The following SYN3 variants were observed in gnomAD, a reference collection of about 807,000 sequenced individuals.
SYN3 encodes the protein synapsin-3.
In SYN3, 35 loss-of-function variants were observed where a neutral mutation model predicts 65.8. The ratio of observed to expected loss-of-function variants is 0.53; its 90% CI spans 0.41 to 0.70. The LOEUF (loss-of-function observed/expected upper bound fraction) is 0.70. SYN3 is among the 30% of genes least tolerant of loss of function. The probability of loss-of-function intolerance (pLI) is 0.00; values close to 1 mark genes in which losing one functional copy is unlikely to be tolerated. For synonymous variants in SYN3, 270 were observed against 292.9 expected, an observed-to-expected ratio of 0.92 and a Z score of 0.80; for missense variants, 680 against 749.0, an observed-to-expected ratio of 0.91 and a Z score of 1.08.
In SYN3 at chr22:33,044,991, T is replaced by C. The variant is rs540493297; in HGVS notation, c.-163+13301A>G. ...CCAAGTAGCTGGAATTACAGGCATG[T>C]GCCACCACACCCGGCTAATTTTTGT... On this transcript the variant is annotated intron_variant, in intron 1 of 13. Coordinates refer to ENST00000358763, the MANE Select transcript of SYN3 (RefSeq NM_003490.4). 6.3e-4 allele frequency among the ~76,000 whole-genome samples: 96 copies of C among 152,136 alleles called. 2 individuals carry two copies. Among genetic ancestry groups the C allele is most frequent in the Admixed American group, 2.6e-4 (4 of 15,270 alleles).
At chr22:32,551,256 C>G (rs2058409956) in intron 7 of SYN3, among the ~76,000 whole-genome samples, 1 of 152,018 alleles carries the variant, frequency 6.6e-6, no homozygotes, top group African/African-American at 2.4e-5. Context: ...GCAGACGATA[C>G]CTGAGCTCAA....
chr22:32,521,603 C>T (rs189831999), intron 12 of SYN3, among the ~76,000 whole-genome samples: 72 of 152,080 alleles, frequency 4.7e-4, no homozygotes, highest in Middle Eastern at 3.4e-3. Flanking sequence ...TCCGCCACCA[C>T]GCCCAGCTAA....
intron 7 of SYN3, among the ~76,000 whole-genome samples, chr22:32,588,905 C>T (rs2059089077): frequency 6.6e-6 from 1 of 152,220 alleles, no homozygotes; most frequent in Non-Finnish European, 1.5e-5. Flanking sequence ...ATAAGACATG[C>T]TCACCAGTAC....
intron 6 of SYN3, among the ~76,000 whole-genome samples, chr22:32,757,361 A>G (rs5754253): frequency 0.85 from 126,473 of 149,018 alleles, 54,112 homozygotes; most frequent in African/African-American, 0.96. Flanking sequence ...GCAATGGCGC[A>G]ATCTCGGCTC....
chr22:32,642,603 GC>G (rs2059918419), intron 6 of SYN3, among the ~76,000 whole-genome samples: 1 of 151,866 alleles, frequency 6.6e-6, no homozygotes, highest in South Asian at 2.1e-4. Flanking sequence ...ACCACGCCTG[GC>G]TAATTTTTTG....
chr22:32,555,100 G>T (rs1285824153), intron 7 of SYN3, among the ~76,000 whole-genome samples: 2 of 152,184 alleles, frequency 1.3e-5, no homozygotes, highest in African/African-American at 4.8e-5. Context: ...ATAAATAATT[G>T]CTGAAAGAAT....
chr22:32,676,168 T>C (rs2060438428), intron 6 of SYN3, among the ~76,000 whole-genome samples: 1 of 152,198 alleles, frequency 6.6e-6, no homozygotes, highest in South Asian at 2.1e-4. Flanking sequence ...AGAAATACTG[T>C]CTTTCATCAA....
At chr22:32,848,961 C>T (rs2048143940) in intron 6 of SYN3, among the ~76,000 whole-genome samples, 4 of 152,144 alleles carry the variant, frequency 2.6e-5, no homozygotes, top group Admixed American at 2.0e-4. Context: ...AGCTAGGGTG[C>T]ACCACAACCC....
chr22:32,886,164 C>T (rs568169568), intron 4 of SYN3, among the ~76,000 whole-genome samples: 1 of 152,170 alleles, frequency 6.6e-6, no homozygotes, highest in South Asian at 2.1e-4. Context: ...TACAATGACA[C>T]ACATGGGTAA....
At chr22:32,613,310 A>G (rs1490591259) in intron 6 of SYN3, among the ~76,000 whole-genome samples, 1 of 152,174 alleles carries the variant, frequency 6.6e-6, no homozygotes, top group Non-Finnish European at 1.5e-5. Flanking sequence ...AATAAATATG[A>G]ATAAATAAAT....
chr22:32,937,577 TAC>T (rs974532720), intron 3 of SYN3, among the ~76,000 whole-genome samples: 13 of 152,096 alleles, frequency 8.5e-5, no homozygotes, highest in African/African-American at 2.9e-4. Context: ...GGGGAAGTGC[TAC>T]ACACTTTTAA....
intron 12 of SYN3, among the ~76,000 whole-genome samples, chr22:32,521,471 G>A (rs937071713): frequency 1.4e-5 from 2 of 142,532 alleles, no homozygotes; most frequent in African/African-American, 5.2e-5. Flanking sequence ...TTGAGACGGA[G>A]TCTTGCACTA....
chr22:32,881,228 G>C lies in SYN3; in HGVS notation c.462-12103C>G, dbSNP rs1300159549. Among the ~76,000 whole-genome samples the C allele has an allele frequency of 2.0e-5, 3 of 152,032 alleles. No individual in the cohort carries two copies. The East Asian group carries it at 5.8e-4, about 29-fold the overall frequency. On this transcript the variant is annotated intron_variant, in intron 4 of 13. Coordinates refer to ENST00000358763, the MANE Select transcript of SYN3 (RefSeq NM_003490.4). ...GATGCTGGGGCAGTGGAGTGGAGGA[G>C]AGAGGAGTGGGGGAAGGGGAAAGCC... is the stretch of plus-strand genomic sequence containing the variant.
At chr22:32,849,271 C>T (rs1360017635) in intron 6 of SYN3, among the ~76,000 whole-genome samples, 1 of 152,122 alleles carries the variant, frequency 6.6e-6, no homozygotes, top group African/African-American at 2.4e-5. Context: ...TCTTTTTCCT[C>T]CAACCTCCCT....
intron 10 of SYN3, chr22:32,529,907 G>A (rs930626485): frequency 3.3e-5 from 5 of 152,416 alleles, no homozygotes; most frequent in African/African-American, 1.2e-4. Flanking sequence ...AGGTTCTTAT[G>A]TAATCCCTCT....
At position 32,573,936 on chromosome 22, in the gene SYN3, A is replaced by ATT. The variant is rs562426253; in HGVS notation, c.774+22736_774+22737dup. On this transcript the variant is annotated intron_variant, in intron 7 of 13. Transcript: ENST00000358763. The stretch of plus-strand genomic sequence containing the variant: ...GGGTGCCCGCTGCCACGCCCGGCTA[A>ATT]TTTTTTTTTTTTTTTTATTTTAGTA... 1.2e-3 allele frequency among the ~76,000 whole-genome samples: 167 copies of ATT among 140,648 alleles called. 1 individual carries two copies. Among genetic ancestry groups the ATT allele is most frequent in the South Asian group, 6.9e-3 (29 of 4,232 alleles). The allele number at this position is 140,648 out of a possible 152,430, so 92.3% of individuals were successfully genotyped here.
intron 7 of SYN3, among the ~76,000 whole-genome samples, chr22:32,564,899 G>T (rs1334708050): frequency 3.3e-5 from 5 of 149,704 alleles, no homozygotes; most frequent in Admixed American, 3.3e-4. Context: ...CACCCTAACA[G>T]TGCTCCCGGA....
At chr22:32,697,649 G>T (rs1337176636) in intron 6 of SYN3, among the ~76,000 whole-genome samples, 1 of 152,214 alleles carries the variant, frequency 6.6e-6, no homozygotes, top group Non-Finnish European at 1.5e-5. Context: ...TATTCTTGAT[G>T]ATGCAATATG....
chr22:33,021,555 T>C (rs574701416), intron 1 of SYN3, among the ~76,000 whole-genome samples: 8 of 152,214 alleles, frequency 5.3e-5, no homozygotes, highest in Non-Finnish European at 7.3e-5. Flanking sequence ...TGAATTCCAG[T>C]GATTGAACTT....
Sources: gnomAD v4.1 joint callset for allele counts (sites outside exome capture counted in the v4.1 genomes callset) on GRCh38, gnomAD v4.1.1 for gene constraint, MANE v1.5 for transcripts, NCBI Gene and HGNC (gene_info 2026-07-23, HGNC 2026-07-21) for gene names.